The following CSMD2 variants were observed in gnomAD, a reference collection of about 807,000 sequenced individuals.
CSMD2 encodes the protein CUB and sushi domain-containing protein 2.
CSMD2 carries 130 observed loss-of-function variants against 398.5 expected under a neutral mutation model. The observed-to-expected ratio is 0.33, with a 90% CI of 0.28 to 0.38. The LOEUF (loss-of-function observed/expected upper bound fraction) is 0.38, where lower values mean the gene tolerates loss of function less well. Among genes scored for constraint, CSMD2 ranks in the 10% least tolerant of loss-of-function variants. CSMD2 has a pLI of 1.00. For missense variants in CSMD2, 3,829 were observed against 4,764.9 expected (o/e 0.80, Z 5.78); for synonymous variants, 1,828 against 1,908.5 (o/e 0.96, Z 1.10).
chr1:34,066,707 G>A (rs1185480278), intron 2 of CSMD2, among the ~76,000 whole-genome samples: 2 of 152,132 alleles, frequency 1.3e-5, no homozygotes, highest in African/African-American at 4.8e-5. Context: ...GCAGCAGGAT[G>A]TGGACCAGCC....
At position 33,533,144 on chromosome 1, in the gene CSMD2, G is replaced by A. The variant is rs1655411092; in HGVS notation, c.10077C>T (p.Tyr3359=). The A allele has an allele frequency of 6.2e-7, 1 of 1,614,104 alleles. No homozygotes were observed. Among genetic ancestry groups the A allele is most frequent in the Non-Finnish European group, 8.5e-7 (1 of 1,180,012 alleles). Residue 3359 remains tyrosine (Y), a synonymous_variant, in exon 64 of 71, where the codon TAC becomes TAT. Transcript: ENST00000373381. The surrounding 1 kb of genome is among the most constrained non-coding windows in gnomAD (Gnocchi z 4.2). The stretch of plus-strand genomic sequence containing the variant: ...TGAGGGAGAAGCCCTCCTGGCAGGA[G>A]TAGATGAGCGTGTAGCCCATGGAGG... ...DLPSMGYTLI[Y]SCQEGFSLKG...
chr1:33,742,848 G>A (rs1647126235), intron 14 of CSMD2, among the ~76,000 whole-genome samples: 1 of 152,152 alleles, frequency 6.6e-6, no homozygotes, highest in Non-Finnish European at 1.5e-5. Flanking sequence ...GCCCCGGCAC[G>A]AACTCAGAGG....
intron 15 of CSMD2, among the ~76,000 whole-genome samples, chr1:33,734,285 T>C (rs960544596): frequency 3.9e-5 from 6 of 152,206 alleles, no homozygotes; most frequent in Admixed American, 2.0e-4. Flanking sequence ...GGAGTGGGAC[T>C]GGGAAATGAG....
At chr1:33,757,005 T>C (rs1029501186) in intron 13 of CSMD2, among the ~76,000 whole-genome samples, 4 of 152,066 alleles carry the variant, frequency 2.6e-5, no homozygotes, top group African/African-American at 9.7e-5. Flanking sequence ...ATGTCCTTTG[T>C]AGGGACATGG....
intron 1 of CSMD2, among the ~76,000 whole-genome samples, chr1:34,123,627 G>GC (rs1237371702): frequency 6.6e-6 from 1 of 152,092 alleles, no homozygotes; most frequent in Non-Finnish European, 1.5e-5. Flanking sequence ...CGGGAACTGA[G>GC]CCCCCAACCC....
Position 34,078,589 on chromosome 1 carries a change from T to G in CSMD2, c.404+10388A>C, listed in dbSNP as rs568947077. 5.3e-5 allele frequency among the ~76,000 whole-genome samples: 8 copies of G among 152,294 alleles called. No individual in the cohort carries two copies. In the East Asian group the frequency reaches 1.4e-3, roughly 26 times the overall value. On this transcript the variant is annotated intron_variant, in intron 2 of 70. Transcript: ENST00000373381. ...AGGCGGGTAAATGTCACCTCCATTT[T>G]ATAGATGAGGCTCAGAGAAACCAAA...
At chr1:33,591,548 C>T (rs950068026) in intron 44 of CSMD2, among the ~76,000 whole-genome samples, 7 of 152,116 alleles carry the variant, frequency 4.6e-5, no homozygotes, top group African/African-American at 1.4e-4. Flanking sequence ...TTTAAAATCA[C>T]CTGCTTTTTT....
rs779814218 is a variant in CSMD2 at position 34,089,180 on chromosome 1, C to A, written c.201G>T (p.Thr67=). 1.8e-5 allele frequency: 29 copies of A among 1,613,956 alleles called. No individual in the cohort carries two copies. Among genetic ancestry groups the A allele is most frequent in the Non-Finnish European group, 2.5e-5 (29 of 1,179,998 alleles). The change falls in exon 2 of 71, where the codon ACG becomes ACT. Residue 67 remains threonine, a synonymous_variant. Transcript: ENST00000373381. The part of the protein sequence containing the change: ...SVSAAAGQNC[T]FQLHGPNGTV... ...TCCCATTGGGACCGTGCAGTTGGAACGTGCAGTTCTGGCCTGGGAAAGAGA... is the reference window on the plus strand; with the variant it reads ...TCCCATTGGGACCGTGCAGTTGGAAAGTGCAGTTCTGGCCTGGGAAAGAGA...
chr1:33,605,602 G>C (rs1019825882), intron 41 of CSMD2, 132 bp from the exon 42 acceptor site: 1 of 941,042 alleles, frequency 1.1e-6, no homozygotes, highest in Middle Eastern at 3.3e-4. Context: ...ATTGGCTTTG[G>C]GTAAGTAATT....
chr1:33,647,621 TAAG>T (rs1643526355), intron 28 of CSMD2, among the ~76,000 whole-genome samples: 1 of 152,162 alleles, frequency 6.6e-6, no homozygotes, highest in African/African-American at 2.4e-5. Flanking sequence ...TGTGAGGCAT[TAAG>T]AAGGACAAGA....
At chr1:34,063,421 A>C (rs1437919386) in intron 2 of CSMD2, among the ~76,000 whole-genome samples, 6 of 152,338 alleles carry the variant, frequency 3.9e-5, no homozygotes, top group African/African-American at 1.2e-4. Flanking sequence ...TATTGGGTAA[A>C]TACAGCCATT....
intron 13 of CSMD2, among the ~76,000 whole-genome samples, chr1:33,768,131 C>T (rs562055009): frequency 1.3e-5 from 2 of 152,314 alleles, no homozygotes; most frequent in South Asian, 2.1e-4. Flanking sequence ...TTGGCATTCT[C>T]CTCTAACCCA....
chr1:33,868,555 G>A (rs1640205245), intron 5 of CSMD2, among the ~76,000 whole-genome samples: 1 of 152,134 alleles, frequency 6.6e-6, no homozygotes, highest in African/African-American at 2.4e-5. Context: ...GATCAACATG[G>A]TGAAACCCCA....
intron 28 of CSMD2, among the ~76,000 whole-genome samples, chr1:33,650,883 A>C (rs909809435): frequency 6.6e-5 from 10 of 152,132 alleles, no homozygotes; most frequent in African/African-American, 2.4e-4. Context: ...ATTCTTCACC[A>C]GGGATTAGTT....
intron 5 of CSMD2, chr1:33,860,967 C>T (rs1639455237): frequency 6.6e-6 from 1 of 152,144 alleles, no homozygotes; most frequent in Admixed American, 6.5e-5. Flanking sequence ...AAGAGTATGT[C>T]ACACAAGTAG....
chr1:33,626,931 G>T (rs1642163763), intron 32 of CSMD2, among the ~76,000 whole-genome samples: 1 of 152,176 alleles, frequency 6.6e-6, no homozygotes, highest in Admixed American at 6.5e-5. Context: ...GACAGGGATG[G>T]AGACAGCAGC....
intron 44 of CSMD2, 85 bp from the exon 45 acceptor site, chr1:33,587,253 T>G (rs1639151247): frequency 6.8e-6 from 7 of 1,023,152 alleles, no homozygotes; most frequent in Non-Finnish European, 1.0e-5. Flanking sequence ...CTTCACTTTC[T>G]CATCCCTCAT....
chr1:33,804,516 C>T (rs1032930031), intron 10 of CSMD2, among the ~76,000 whole-genome samples: 7 of 151,514 alleles, frequency 4.6e-5, no homozygotes, highest in South Asian at 2.1e-4. Context: ...TTTCCCATAG[C>T]GCTCTGGACA....
At chr1:34,159,267 A>G (rs1641088785) in intron 1 of CSMD2, among the ~76,000 whole-genome samples, 2 of 151,962 alleles carry the variant, frequency 1.3e-5, no homozygotes, top group Non-Finnish European at 2.9e-5. Flanking sequence ...GTAAGAACCC[A>G]CAGTAGAGTT....
Sources: allele counts gnomAD v4.1 joint callset (sites outside exome capture counted in the v4.1 genomes callset), GRCh38; gene constraint gnomAD v4.1.1; non-coding constraint Gnocchi (gnomAD v3.1); transcripts MANE v1.5; gene names NCBI Gene and HGNC (gene_info 2026-07-23, HGNC 2026-07-21).